The following TENM1 variants were observed in gnomAD, a reference collection of about 807,000 sequenced individuals.
TENM1 encodes the protein teneurin transmembrane protein 1, also known as teneurin-1.
Under a neutral mutation model 174.8 loss-of-function variants are expected in TENM1, and 35 were observed. The observed-to-expected ratio is 0.20, with a 90% CI of 0.15 to 0.27. The LOEUF (loss-of-function observed/expected upper bound fraction) is 0.27, where lower values mean the gene tolerates loss of function less well. Among genes scored for constraint, TENM1 ranks in the 10% least tolerant of loss-of-function variants. The pLI is 1.00. For synonymous variants in TENM1, 781 were observed against 798.7 expected (o/e 0.98, Z 0.37); for missense variants, 1,633 against 2,130.1 (o/e 0.77, Z 4.59).
At chrX:124,587,092 T>A (rs1251501696) in intron 11 of TENM1, among the ~76,000 whole-genome samples, 83 of 107,719 alleles carry the variant, frequency 7.7e-4, no homozygotes, top group Non-Finnish European at 1.3e-3. Flanking sequence ...AGAATCAATA[T>A]CGTGAAAATG....
chrX:124,829,648 C>T (rs763206446), intron 3 of TENM1, among the ~76,000 whole-genome samples: 5 of 112,004 alleles, frequency 4.5e-5, no homozygotes, highest in Non-Finnish European at 7.5e-5. Flanking sequence ...TATACATAGA[C>T]TAGTGGCCTC....
intron 16 of TENM1, among the ~76,000 whole-genome samples, chrX:124,528,945 T>C (rs2048042849): frequency 9.0e-6 from 1 of 111,710 alleles, no homozygotes; most frequent in African/African-American, 3.3e-5. Flanking sequence ...CAGCCCAAGT[T>C]GAACAATTAA....
intron 5 of TENM1, among the ~76,000 whole-genome samples, chrX:124,696,540 C>T (rs1303486588): frequency 5.4e-5 from 6 of 110,638 alleles, no homozygotes; most frequent in Non-Finnish European, 3.8e-5. Flanking sequence ...CTCTCTCTCT[C>T]CTCTCTCTCT....
chrX:125,082,000 G>A, the TENM1 span, among the ~76,000 whole-genome samples: 1 of 110,359 alleles, frequency 9.1e-6, no homozygotes, highest in African/African-American at 3.3e-5. Context: ...GGGGCAAGGA[G>A]GTGGAAAGGC....
chrX:124,509,092 A>AAAC (rs1569535353), intron 18 of TENM1, among the ~76,000 whole-genome samples: 1 of 90,372 alleles, frequency 1.1e-5, no homozygotes, highest in East Asian at 3.4e-4. Flanking sequence ...CACACACACA[A>AAAC]ACACACACAC....
intron 5 of TENM1, among the ~76,000 whole-genome samples, chrX:124,674,970 C>T (rs1353963092): frequency 9.0e-6 from 1 of 111,230 alleles, no homozygotes; most frequent in Non-Finnish European, 1.9e-5. Context: ...CCTGGCGGCA[C>T]TTGAAAATGC....
chrX:125,107,953 C>A, the TENM1 span, among the ~76,000 whole-genome samples: 8 of 111,935 alleles, frequency 7.1e-5, no homozygotes, highest in South Asian at 3.0e-3. Flanking sequence ...CCAGACCTTT[C>A]GACTTGTATT....
intron 4 of TENM1, among the ~76,000 whole-genome samples, chrX:124,708,686 C>G (rs750662765): frequency 9.0e-6 from 1 of 110,947 alleles, no homozygotes; most frequent in Admixed American, 9.6e-5. Flanking sequence ...CAAAAAAAGG[C>G]AGGCTTCAAA....
chrX:124,764,382 T>C (rs965590869), intron 3 of TENM1, among the ~76,000 whole-genome samples: 3 of 111,072 alleles, frequency 2.7e-5, no homozygotes, highest in African/African-American at 6.6e-5. Context: ...TGAGGGAGAT[T>C]GGGTGGTAAT....
At chrX:124,787,880 C>T (rs916759959) in intron 3 of TENM1, among the ~76,000 whole-genome samples, 2 of 111,765 alleles carry the variant, frequency 1.8e-5, no homozygotes, top group South Asian at 3.7e-4. Context: ...TAAAGACATA[C>T]CTGAGACTGG....
At chrX:124,662,457 A>C (rs1458912897) in intron 6 of TENM1, among the ~76,000 whole-genome samples, 1 of 86,077 alleles carries the variant, frequency 1.2e-5, no homozygotes, top group Non-Finnish European at 2.1e-5. Context: ...TCATCTCAGA[A>C]AAAAAAAAAA....
intron 3 of TENM1, among the ~76,000 whole-genome samples, chrX:124,805,190 C>T (rs1333991178): frequency 8.9e-6 from 1 of 111,905 alleles, no homozygotes; most frequent in Admixed American, 9.5e-5. Flanking sequence ...ATTGCTCTCT[C>T]AGCTACATGC....
Position 124,492,328 on chromosome X carries a change from C to T in TENM1, c.3695+4688G>A, listed in dbSNP as rs140286931. Among the ~76,000 whole-genome samples the T allele has an allele frequency of 8.8e-3, 985 of 111,527 alleles. 10 individuals are homozygous for T. The highest frequency in any genetic ancestry group is 0.029 in the African/African-American group (896 of 30,762). ...GGTATGAAGTGAGGTTTTTATCTAA[C>T]TACAGTAGAATCAATGAACATTATG... On this transcript the variant is annotated intron_variant, in intron 20 of 31. Transcript: ENST00000422452.
chrX:124,497,842 C>T (rs777090979), intron 19 of TENM1, among the ~76,000 whole-genome samples: 1 of 111,839 alleles, frequency 8.9e-6, no homozygotes, highest in Non-Finnish European at 1.9e-5. Context: ...GACCATATCG[C>T]ACTATCATCA....
the TENM1 span, among the ~76,000 whole-genome samples, chrX:124,991,657 G>A: frequency 9.2e-6 from 1 of 108,692 alleles, no homozygotes; most frequent in African/African-American, 3.4e-5. Context: ...CTCTGATAAT[G>A]ATAGGATACT....
At chrX:124,527,727 C>A (rs1398448208) in intron 16 of TENM1, among the ~76,000 whole-genome samples, 1 of 103,843 alleles carries the variant, frequency 9.6e-6, no homozygotes, top group Non-Finnish European at 2.0e-5. Context: ...CGGCTCACTG[C>A]AACCTCTGTC....
At chrX:124,692,630 T>C (rs984116965) in intron 5 of TENM1, among the ~76,000 whole-genome samples, 13 of 109,085 alleles carry the variant, frequency 1.2e-4, no homozygotes, top group Non-Finnish European at 2.3e-4. Context: ...TTCTTGCATG[T>C]TTAAAGTATT....
At chrX:124,422,335 T>C (rs758142774) in exon 24 of TENM1, 8 of 1,209,640 alleles carry the variant, frequency 6.6e-6, no homozygotes, top group Middle Eastern at 4.6e-4. Context: ...CCAGCGATGA[T>C]GTAGATCTCC....
chrX:124,614,345 A>G, intron 11 of TENM1, among the ~76,000 whole-genome samples: 1 of 112,315 alleles, frequency 8.9e-6, no homozygotes, highest in South Asian at 3.7e-4. Context: ...AAAGTAATCT[A>G]GAAAATTGGT....
Sources: gnomAD v4.1 joint callset for allele counts (sites outside exome capture counted in the v4.1 genomes callset) on GRCh38, gnomAD v4.1.1 for gene constraint, MANE v1.5 for transcripts, NCBI Gene and HGNC (gene_info 2026-07-23, HGNC 2026-07-21) for gene names.